The following CEP152 variants were observed in gnomAD, a reference collection of about 807,000 sequenced individuals.
CEP152 encodes the protein centrosomal protein 152.
CEP152 carries 132 observed loss-of-function variants against 188.9 expected under a neutral mutation model. That is an observed-to-expected ratio of 0.70 (90% CI 0.61 to 0.81). CEP152 has a LOEUF of 0.81. Among genes scored for constraint, CEP152 ranks in the 30% least tolerant of loss-of-function variants. The pLI is 0.00. For synonymous variants in CEP152, 649 were observed against 666.6 expected (o/e 0.97, Z 0.41); for missense variants, 1,914 against 1,969.8 (o/e 0.97, Z 0.54).
intron 12 of CEP152, among the ~76,000 whole-genome samples, chr15:48,773,766 C>A (rs1479906543): frequency 6.6e-6 from 1 of 152,096 alleles, no homozygotes; most frequent in Non-Finnish European, 1.5e-5. Context: ...ATAAAGAAAG[C>A]CTTGAAAGGA....
chr15:48,737,634 A>T (rs1217616942), downstream of CEP152, among the ~76,000 whole-genome samples: 1 of 152,238 alleles, frequency 6.6e-6, no homozygotes, highest in Non-Finnish European at 1.5e-5. Flanking sequence ...GAAATAATGC[A>T]AGTAAGAACT....
chr15:48,784,590 A>T (rs1184415589), intron 9 of CEP152, among the ~76,000 whole-genome samples: 1 of 152,160 alleles, frequency 6.6e-6, no homozygotes, highest in African/African-American at 2.4e-5. Context: ...CCAAAAGTTC[A>T]TTCCATTAAG....
chr15:48,746,687 C>T, intron 22 of CEP152, among the ~76,000 whole-genome samples: 1 of 152,018 alleles, frequency 6.6e-6, no homozygotes. Flanking sequence ...TGCTATGGTG[C>T]CAGGTGTGCT....
intron 9 of CEP152, among the ~76,000 whole-genome samples, chr15:48,786,778 C>T (rs759963108): frequency 2.0e-5 from 3 of 152,136 alleles, no homozygotes; most frequent in Non-Finnish European, 4.4e-5. Context: ...GGTCTGAAAC[C>T]CACCCAGCAC....
At chr15:48,735,600 C>T (rs188493539), downstream of CEP152, among the ~76,000 whole-genome samples, 750 of 151,904 alleles carry the variant, frequency 4.9e-3, 1 homozygote, top group African/African-American at 0.011. Flanking sequence ...CTGGGCATGG[C>T]GGCACACGCC....
intron 19 of CEP152, among the ~76,000 whole-genome samples, chr15:48,758,792 A>G (rs1164285903): frequency 5.9e-5 from 9 of 151,710 alleles, no homozygotes; most frequent in Non-Finnish European, 1.0e-4. Context: ...CTAGGAGGAA[A>G]GCCCAGATAG....
rs1310033667 is a variant in CEP152, at chr15:48,738,131, T to C, written c.*118A>G. 2.6e-5 allele frequency: 27 copies of C among 1,058,450 alleles called. No individual in the cohort carries two copies. Among genetic ancestry groups the C allele is most frequent in the Non-Finnish European group, 2.8e-5 (21 of 751,850 alleles). The allele number at this position is 1,058,450 out of a possible 1,614,324, so 65.6% of individuals were successfully genotyped here. A position where few individuals can be genotyped will look rare whatever the true frequency, so the allele number is the denominator to read the frequency against. ...ATTTTAGAAGAATGCTTTACTTATA[T>C]AACAGATGTTATTAAAACATCTCAA... On this transcript the variant is annotated 3_prime_UTR_variant, in exon 27 of 27. Transcript: ENST00000380950.
Position 48,798,064 on chromosome 15 carries a change from G to T in CEP152, c.88-13C>A. 4 of 1,606,618 alleles carry T rather than the reference G, an allele frequency of 2.5e-6. No individual in the cohort carries two copies. Among genetic ancestry groups the T allele is most frequent in the Middle Eastern group, 1.7e-4 (1 of 6,044 alleles). On this transcript the variant is annotated splice_polypyrimidine_tract_variant and intron_variant, in intron 2 of 26. Transcript: ENST00000380950. ...GTAACTGCTGCAACTGAGTCAAAAG[G>T]TCTGCATCAATATCATACCAACTTA...
intron 1 of CEP152, among the ~76,000 whole-genome samples, chr15:48,806,972 C>T (rs1381463992): frequency 3.9e-5 from 6 of 151,982 alleles, no homozygotes; most frequent in African/African-American, 1.2e-4. Flanking sequence ...TGGTAAAAAT[C>T]CCCCTATGAC....
Position 48,739,067 on chromosome 15 carries a change from T to TC in CEP152, c.4314dup (p.Thr1439AspfsTer11). On this transcript the variant is annotated frameshift_variant, in exon 27 of 27. Transcript: ENST00000380950. LOFTEE classifies it low-confidence loss of function (END_TRUNC). The stretch of plus-strand genomic sequence containing the variant: ...TCCCCAAACTGGAATTCCAAATGTG[T>TC]CTCTTTGGATCCCACATGCTTTATG... The TC allele has an allele frequency of 6.2e-7, 1 of 1,614,184 alleles. No individual in the cohort carries two copies.
intron 2 of CEP152, among the ~76,000 whole-genome samples, chr15:48,804,307 T>G (rs548750514): frequency 6.6e-6 from 1 of 152,240 alleles, no homozygotes; most frequent in African/African-American, 2.4e-5. Context: ...CAACCAACAA[T>G]ACCTGTCTGA....
chr15:48,771,871 A>C (rs928757413), intron 13 of CEP152, among the ~76,000 whole-genome samples: 2 of 152,224 alleles, frequency 1.3e-5, no homozygotes, highest in African/African-American at 4.8e-5. Flanking sequence ...AAACTGTTGA[A>C]TATCTCATGA....
chr15:48,766,787 C>CTT (rs78892042), intron 17 of CEP152, among the ~76,000 whole-genome samples: 15 of 137,844 alleles, frequency 1.1e-4, no homozygotes, highest in Non-Finnish European at 1.6e-4. Context: ...GACACTGATC[C>CTT]TTTTTTTTTT....
Position 48,741,953 on chromosome 15 carries a change from T to C in CEP152, c.3983A>G (p.Lys1328Arg). Residue 1328 changes from lysine to arginine, a missense_variant, in exon 25 of 27, where the codon AAA becomes AGA. Lys to Arg is a conservative substitution (Grantham distance 26). Coordinates refer to ENST00000380950, the MANE Select transcript of CEP152 (RefSeq NM_001194998.2). The stretch of plus-strand genomic sequence containing the variant: ...TTGTTCAGACTGAACTCACCCTTCT[T>C]TTCCATCATCCTGCAAAATCTGTTG... ...CLQQILQDDGKEGAEKKIMNA... is the reference protein window; with the variant it reads ...CLQQILQDDGREGAEKKIMNA... 3 of 1,614,198 alleles carry C rather than the reference T, an allele frequency of 1.9e-6. No individual in the cohort carries two copies. Among genetic ancestry groups the C allele is most frequent in the Non-Finnish European group, 2.5e-6 (3 of 1,180,006 alleles).
intron 2 of CEP152, among the ~76,000 whole-genome samples, chr15:48,804,455 T>C (rs1897856430): frequency 6.6e-6 from 1 of 152,220 alleles, no homozygotes; most frequent in Non-Finnish European, 1.5e-5. Flanking sequence ...AAGACTTTTT[T>C]ACATGTTAGA....
chr15:48,745,015 T>C lies in CEP152; in HGVS notation c.3635-23A>G, dbSNP rs146745469. 5.8e-5 allele frequency: 89 copies of C among 1,528,460 alleles called. No homozygotes were observed. The African/African-American group carries it at 1.0e-3, about 17-fold the overall frequency. The allele number at this position is 1,528,460 out of a possible 1,614,324, so 94.7% of individuals were successfully genotyped here. On this transcript the variant is annotated intron_variant, in intron 22 of 26. Coordinates refer to ENST00000380950, the MANE Select transcript of CEP152 (RefSeq NM_001194998.2). ...CTTCTATAACAGAAAGTTTATAGTA[T>C]ATTAGACAGTTAAAAATTTTTTAAG...
chr15:48,775,394 T>G (rs570465493), intron 12 of CEP152, among the ~76,000 whole-genome samples: 1 of 152,142 alleles, frequency 6.6e-6, no homozygotes, highest in Non-Finnish European at 1.5e-5. Flanking sequence ...AAAAAAATTC[T>G]TAAAGCAGCA....
intron 6 of CEP152, 30 bp downstream of exon 6, chr15:48,795,980 T>C (rs1897263027): frequency 1.9e-6 from 3 of 1,599,888 alleles, no homozygotes; most frequent in Non-Finnish European, 2.6e-6. Flanking sequence ...TTATGTGGTA[T>C]TAAAAAATAA....
At position 48,742,031 on chromosome 15, in the gene CEP152, C is replaced by T. The variant is rs747016432; in HGVS notation, c.3905G>A (p.Arg1302Gln). The change falls in exon 25 of 27, where the codon CGA becomes CAA. Residue 1302 changes from arginine (R) to glutamine (Q), a missense_variant. Transcript: ENST00000380950. ...AAEMVKAEVL[R>Q]ERQETARKMR... ...CTTTCGGGCGGTTTCTTGACGTTCTCGCAGTACCTCTGCTTTTACCATTTC... is the reference window on the plus strand; with the variant it reads ...CTTTCGGGCGGTTTCTTGACGTTCTTGCAGTACCTCTGCTTTTACCATTTC... 11 of 1,614,012 alleles carry T rather than the reference C, an allele frequency of 6.8e-6. No homozygotes were observed. In the African/African-American group the frequency reaches 8.0e-5, roughly 12 times the overall value.
Sources: allele counts gnomAD v4.1 joint callset (sites outside exome capture counted in the v4.1 genomes callset), GRCh38; gene constraint gnomAD v4.1.1; transcripts MANE v1.5; gene names NCBI Gene and HGNC (gene_info 2026-07-23, HGNC 2026-07-21).